Variants in SLC24A1 observed in about 807,000 individuals in gnomAD.
The protein encoded by SLC24A1 is sodium/potassium/calcium exchanger 1.
In SLC24A1, 52 loss-of-function variants were observed where a neutral mutation model predicts 88.1. That is an observed-to-expected ratio of 0.59 (90% CI 0.47 to 0.74). The LOEUF (loss-of-function observed/expected upper bound fraction) is 0.74. SLC24A1 is among the 30% of genes least tolerant of loss of function. The pLI, the probability that SLC24A1 is intolerant of heterozygous loss-of-function variation, is 0.00. For missense variants in SLC24A1, 1,173 were observed against 1,363.3 expected (o/e 0.86, Z 2.20); for synonymous variants, 455 against 498.0 (o/e 0.91, Z 1.15).
At chr15:65,634,083 A>G (rs1051877005) in intron 2 of SLC24A1, among the ~76,000 whole-genome samples, 1 of 152,184 alleles carries the variant, frequency 6.6e-6, no homozygotes, top group African/African-American at 2.4e-5. Flanking sequence ...GGATAGACAA[A>G]TGGAGTGGAT....
At chr15:65,640,114 C>T (rs1055858509) in intron 4 of SLC24A1, among the ~76,000 whole-genome samples, 1 of 152,184 alleles carries the variant, frequency 6.6e-6, no homozygotes, top group African/African-American at 2.4e-5. Flanking sequence ...CAGCTCAGCC[C>T]AGGCTGACTG....
Position 65,652,752 on chromosome 15 carries a change from G to C in SLC24A1, c.2994G>C (p.Leu998=), listed in dbSNP as rs1297619613. The C allele has an allele frequency of 1.2e-6, 2 of 1,613,826 alleles. No homozygotes were observed. The highest frequency in any genetic ancestry group is 2.2e-5 in the South Asian group (2 of 91,072). The part of the protein sequence containing the change: ...ITSVIVARKG[L]GDMAVSSSVG... ...GTGTGATTGTCGCTCGAAAAGGCCT[G>C]GGAGACATGGCTGTGTCAAGCTCTG... is the stretch of plus-strand genomic sequence containing the variant. Residue 998 remains leucine (L), a synonymous_variant, in exon 9 of 10, where the codon CTG becomes CTC. Transcript: ENST00000261892.
At chr15:65,644,179 G>A in intron 4 of SLC24A1, 1 of 486,992 alleles carries the variant, frequency 2.1e-6, no homozygotes, top group Non-Finnish European at 3.8e-6. Context: ...CCTTGAGAAG[G>A]GAAATGACTT....
At position 65,626,166 on chromosome 15, in the gene SLC24A1, C is replaced by T. The variant is rs551320691; in HGVS notation, c.1890+196C>T. Among the ~76,000 whole-genome samples the T allele has an allele frequency of 3.9e-5, 6 of 152,334 alleles. 1 individual carries two copies. Among genetic ancestry groups the T allele is most frequent in the Admixed American group, 1.3e-4 (2 of 15,306 alleles). The stretch of plus-strand genomic sequence containing the variant: ...GGGGCCTTTGTAAGCATGACATTGG[C>T]TCAACCCCTAATCACCCTATAAACT... On this transcript the variant is annotated intron_variant, in intron 2 of 9. Transcript: ENST00000261892.
In SLC24A1 at chr15:65,654,322, A is replaced by G; in HGVS notation, c.*243A>G. Reference sequence around the variant, plus strand: ...CTACCCCTGACTCATGCAGACATCTATTACATGGAGGCAGTAGAAGGACCC... The same window carrying G: ...CTACCCCTGACTCATGCAGACATCTGTTACATGGAGGCAGTAGAAGGACCC... On this transcript the variant is annotated 3_prime_UTR_variant, in exon 10 of 10. Transcript: ENST00000261892. 2.3e-6 allele frequency: 3 copies of G among 1,310,240 alleles called. No homozygotes were observed. The highest frequency in any genetic ancestry group is 3.2e-5 in the East Asian group (1 of 31,422). 81.2% of individuals were successfully genotyped at this position (1,310,240 alleles called of 1,614,324 possible).
chr15:65,641,275 G>A (rs2075119490), intron 4 of SLC24A1, among the ~76,000 whole-genome samples: 1 of 152,054 alleles, frequency 6.6e-6, no homozygotes, highest in Non-Finnish European at 1.5e-5. Flanking sequence ...CAGGAGAATC[G>A]CTTGAACCTG....
chr15:65,650,320 G>T lies in SLC24A1; in HGVS notation c.2233-62G>T. ...AGCACGCCAACAAAAAAATGGGGGAGTAACATAAGGAAAACAAGCAGAGCA... is the reference window on the plus strand; with the variant it reads ...AGCACGCCAACAAAAAAATGGGGGATTAACATAAGGAAAACAAGCAGAGCA... On this transcript the variant is annotated intron_variant, in intron 6 of 9. Transcript: ENST00000261892. The surrounding 1 kb of genome is among the most constrained non-coding windows in gnomAD (Gnocchi z 4.1). The T allele has an allele frequency of 1.5e-6, 2 of 1,375,394 alleles. No individual in the cohort carries two copies. Among genetic ancestry groups the T allele is most frequent in the East Asian group, 2.5e-5 (1 of 39,740 alleles). 85.2% of individuals were successfully genotyped at this position (1,375,394 alleles called of 1,614,324 possible). A position where few individuals can be genotyped will look rare whatever the true frequency, so the allele number is the denominator to read the frequency against.
chr15:65,630,976 A>G (rs891666960), intron 2 of SLC24A1, among the ~76,000 whole-genome samples: 12 of 152,128 alleles, frequency 7.9e-5, no homozygotes, highest in African/African-American at 2.9e-4. Context: ...GTCTCAAAAC[A>G]AAACTAAAAC....
chr15:65,648,065 C>G (rs1426514742), intron 6 of SLC24A1, among the ~76,000 whole-genome samples: 1 of 152,152 alleles, frequency 6.6e-6, no homozygotes, highest in Non-Finnish European at 1.5e-5. Context: ...TCGAGACCAT[C>G]CTGGCTAACA....
At chr15:65,629,819 G>A (rs763203637) in intron 2 of SLC24A1, among the ~76,000 whole-genome samples, 7 of 152,156 alleles carry the variant, frequency 4.6e-5, no homozygotes, top group African/African-American at 7.2e-5. Flanking sequence ...AAAGCCAATG[G>A]CAAAAAGGGA....
chr15:65,625,313 C>T lies in SLC24A1; in HGVS notation c.1233C>T (p.Leu411=), dbSNP rs753449301. Residue 411 remains leucine, a synonymous_variant, in exon 2 of 10, where the codon CTC becomes CTT. Transcript: ENST00000261892. ...PAMLTTPSPS[L]TTALLPEELS... Reference sequence around the variant, plus strand: ...TGCTCACCACTCCCTCCCCAAGCCTCACAACAGCCCTGCTCCCAGAGGAGC... The same window carrying T: ...TGCTCACCACTCCCTCCCCAAGCCTTACAACAGCCCTGCTCCCAGAGGAGC... 10 of 1,614,012 alleles carry T rather than the reference C, an allele frequency of 6.2e-6. No individual in the cohort carries two copies. The South Asian group carries it at 6.6e-5, about 11-fold the overall frequency.
chr15:65,612,077 A>G (rs910790662), intron 1 of SLC24A1: 4 of 152,306 alleles, frequency 2.6e-5, no homozygotes, highest in African/African-American at 9.7e-5. Context: ...ATTTCCCTGT[A>G]AGGCAACATG....
intron 4 of SLC24A1, 82 bp from the exon 5 acceptor site, chr15:65,644,345 C>A: frequency 3.1e-6 from 3 of 974,538 alleles, no homozygotes; most frequent in South Asian, 1.4e-5. Flanking sequence ...TCTGGCTGCT[C>A]AGCTGACTGT....
intron 9 of SLC24A1, among the ~76,000 whole-genome samples, chr15:65,653,550 T>G (rs1424072704): frequency 6.6e-6 from 1 of 150,712 alleles, no homozygotes; most frequent in East Asian, 1.9e-4. Flanking sequence ...ATCTGAGTCA[T>G]ATAGAAGTCA....
chr15:65,652,478 G>C (rs1323030225), intron 8 of SLC24A1, 164 bp from the exon 9 acceptor site: 1 of 578,066 alleles, frequency 1.7e-6, no homozygotes, highest in Non-Finnish European at 3.1e-6. Context: ...CTTCCTCTCT[G>C]TGGCCATCTC....
At chr15:65,647,117 TA>T (rs967333789) in intron 6 of SLC24A1, among the ~76,000 whole-genome samples, 1 of 152,168 alleles carries the variant, frequency 6.6e-6, no homozygotes, top group African/African-American at 2.4e-5. Flanking sequence ...AGCACACATA[TA>T]ACCCCAAGCT....
intron 6 of SLC24A1, among the ~76,000 whole-genome samples, chr15:65,647,498 AAGAG>A (rs1403153710): frequency 2.7e-5 from 4 of 147,098 alleles, no homozygotes; most frequent in Non-Finnish European, 4.5e-5. Flanking sequence ...AAAAAAAAAA[AAGAG>A]AGAGACAGAG....
rs1359752670 is a variant in SLC24A1 at position 65,654,756 on chromosome 15, T to C, written c.*677T>C. ...GTTTGGCTCTTGTTGCCCAGGCTGG[T>C]GTGCAATGGCGTGATCTCGGCACAC... is the stretch of plus-strand genomic sequence containing the variant. On this transcript the variant is annotated 3_prime_UTR_variant, in exon 10 of 10. Transcript: ENST00000261892. 5 of 1,170,450 alleles carry C rather than the reference T, an allele frequency of 4.3e-6. No homozygotes were observed. Among genetic ancestry groups the C allele is most frequent in the Non-Finnish European group, 4.5e-6 (4 of 888,380 alleles). The allele number at this position is 1,170,450 out of a possible 1,614,324, so 72.5% of individuals were successfully genotyped here.
At chr15:65,657,568 C>T (rs991549955), downstream of SLC24A1, among the ~76,000 whole-genome samples, 12 of 152,024 alleles carry the variant, frequency 7.9e-5, no homozygotes, top group Non-Finnish European at 1.6e-4. Flanking sequence ...GCGTGAACCC[C>T]GGGGGGCGGA....
Sources: gnomAD v4.1 joint callset for allele counts (sites outside exome capture counted in the v4.1 genomes callset) on GRCh38, gnomAD v4.1.1 for gene constraint, Gnocchi (gnomAD v3.1) non-coding constraint, MANE v1.5 for transcripts, NCBI Gene and HGNC (gene_info 2026-07-23, HGNC 2026-07-21) for gene names.